The following ABCA4 variants were observed in gnomAD, a reference collection of about 807,000 sequenced individuals.
The protein encoded by ABCA4 is retinal-specific phospholipid-transporting ATPase ABCA4.
Under a neutral mutation model 263.7 loss-of-function variants are expected in ABCA4, and 196 were observed. The ratio of observed to expected loss-of-function variants is 0.74; its 90% CI spans 0.66 to 0.84. ABCA4 has a LOEUF of 0.84. Among genes scored for constraint, ABCA4 ranks in the 40% least tolerant of loss-of-function variants. The pLI is 0.00. For synonymous variants in ABCA4, 1,133 were observed against 1,094.2 expected, an observed-to-expected ratio of 1.04 and a Z score of -0.70; for missense variants, 2,792 against 2,855.1, an observed-to-expected ratio of 0.98 and a Z score of 0.50.
intron 11 of ABCA4, among the ~76,000 whole-genome samples, chr1:94,066,050 G>C (rs3789407): frequency 0.27 from 41,178 of 152,116 alleles, 6,187 homozygotes; most frequent in East Asian, 0.68. Context: ...ACCAAAAGTT[G>C]TCAATAAATG....
Position 94,045,066 on chromosome 1 carries a change from G to T in ABCA4, c.2919-322C>A, listed in dbSNP as rs539947822. 2.1e-4 allele frequency among the ~76,000 whole-genome samples: 32 copies of T among 152,366 alleles called. No homozygotes were observed. The East Asian group carries it at 3.9e-3, about 18-fold the overall frequency. On this transcript the variant is annotated intron_variant, in intron 19 of 49. Transcript: ENST00000370225. Reference sequence around the variant, plus strand: ...GTGTCCCCAGCTCAGCCATCACGGAGCCTGGTGTTGGAGAGGATCAATAAA... The same window carrying T: ...GTGTCCCCAGCTCAGCCATCACGGATCCTGGTGTTGGAGAGGATCAATAAA...
intron 15 of ABCA4, among the ~76,000 whole-genome samples, chr1:94,056,138 A>G (rs552337410): frequency 4.6e-5 from 7 of 152,308 alleles, no homozygotes; most frequent in South Asian, 2.1e-4. Flanking sequence ...TTCTGCAAAC[A>G]TTGGTAGAGC....
At chr1:94,118,872 G>A (rs1570439866) in intron 1 of ABCA4, among the ~76,000 whole-genome samples, 1 of 152,234 alleles carries the variant, frequency 6.6e-6, no homozygotes, top group African/African-American at 2.4e-5. Context: ...CTGTCACAGC[G>A]ACATGAGCGC....
intron 30 of ABCA4, among the ~76,000 whole-genome samples, chr1:94,029,108 T>C (rs958862030): frequency 8.7e-5 from 9 of 103,766 alleles, no homozygotes; most frequent in Non-Finnish European, 1.7e-4. Flanking sequence ...ATCCAAGCGA[T>C]GATTTTTTTT....
At position 94,120,985 on chromosome 1, in the gene ABCA4, G is replaced by T; in HGVS notation, c.61C>A (p.Gln21Lys). The change falls in exon 1 of 50, where the codon CAA (glutamine) becomes AAA (lysine). Residue 21 changes from glutamine (Q) to lysine (K), a missense_variant. Transcript: ENST00000370225. The stretch of plus-strand genomic sequence containing the variant: ...CCACAGACAGTAACTGTTACCTTTT[G>T]CCTTTTCCGCAGGGTCCAGTTCTTC... ...LWKNWTLRKRQKIRFVVELVW... is the reference protein window; with the variant it reads ...LWKNWTLRKRKKIRFVVELVW... 7.1e-7 allele frequency: 1 copy of T among 1,414,694 alleles called. No homozygotes were observed. The allele number at this position is 1,414,694 out of a possible 1,614,324, so 87.6% of individuals were successfully genotyped here.
chr1:94,010,575 A>G, intron 40 of ABCA4: 1 of 675,332 alleles, frequency 1.5e-6, no homozygotes, highest in Admixed American at 2.2e-5. Context: ...TGAAATTAAT[A>G]GCACTGCATT....
At chr1:94,082,593 C>G (rs963952452) in intron 7 of ABCA4, among the ~76,000 whole-genome samples, 2 of 152,184 alleles carry the variant, frequency 1.3e-5, no homozygotes, top group Non-Finnish European at 2.9e-5. Flanking sequence ...AAGACAGATT[C>G]CAACCATGCA....
At chr1:94,078,548 C>T (rs774453971) in intron 10 of ABCA4, 42 bp downstream of exon 10, 1 of 868,794 alleles carries the variant, frequency 1.2e-6, no homozygotes, top group East Asian at 3.2e-5. Flanking sequence ...GCCCCCACCG[C>T]TTCCTCCTCC....
At chr1:94,066,304 A>G (rs920310339) in intron 11 of ABCA4, among the ~76,000 whole-genome samples, 1 of 152,208 alleles carries the variant, frequency 6.6e-6, no homozygotes. Flanking sequence ...ACATTTTTAA[A>G]ATATGCATTT....
chr1:94,115,111 T>G (rs1662724239), intron 1 of ABCA4, among the ~76,000 whole-genome samples: 1 of 152,218 alleles, frequency 6.6e-6, no homozygotes, highest in Admixed American at 6.5e-5. Flanking sequence ...TCTTCCATTC[T>G]GGATCATTCC....
Position 94,010,866 on chromosome 1 carries a change from A to C in ABCA4, c.5648T>G (p.Val1883Gly). 1.2e-6 allele frequency: 2 copies of C among 1,614,146 alleles called. No individual in the cohort carries two copies. Among genetic ancestry groups the C allele is most frequent in the South Asian group, 2.2e-5 (2 of 91,092 alleles). Residue 1883 changes from valine to glycine, a missense_variant, in exon 40 of 50, where the codon GTG (valine) becomes GGG (glycine). Physicochemically the swap from Val to Gly is moderately radical, Grantham distance 109. Transcript: ENST00000370225. ...GAGGAAGTACACCACCCCTTCCACC[A>C]CCATGGCAAACAGGTTCTTCCCAAT... is the stretch of plus-strand genomic sequence containing the variant. ...DLIGKNLFAM[V>G]VEGVVYFLLT... is the part of the protein sequence containing the mutation.
intron 9 of ABCA4, 144 bp downstream of exon 9, chr1:94,079,178 G>C: frequency 5.0e-6 from 6 of 1,202,214 alleles, no homozygotes; most frequent in Non-Finnish European, 7.3e-6. Context: ...ACTGTGGATG[G>C]GGGAGGAAAC....
chr1:94,013,817 A>G (rs1181398727), intron 38 of ABCA4, among the ~76,000 whole-genome samples: 4 of 152,186 alleles, frequency 2.6e-5, no homozygotes, highest in Non-Finnish European at 5.9e-5. Context: ...TATATGTCAG[A>G]GTGTTACAAT....
At chr1:94,064,576 C>T (rs957541711) in intron 11 of ABCA4, among the ~76,000 whole-genome samples, 3 of 152,186 alleles carry the variant, frequency 2.0e-5, no homozygotes, top group African/African-American at 4.8e-5. Context: ...CACTGCGGAG[C>T]TTTAAAAGAT....
chr1:94,116,955 CCTTT>C (rs1180654935), intron 1 of ABCA4, among the ~76,000 whole-genome samples: 1 of 134,772 alleles, frequency 7.4e-6, no homozygotes, highest in Non-Finnish European at 1.6e-5. Context: ...CTCCCTCCCT[CCTTT>C]CTTTCTTTCT....
At chr1:94,001,521 T>A in intron 45 of ABCA4, 1 of 560,730 alleles carries the variant, frequency 1.8e-6, no homozygotes, top group Admixed American at 2.2e-5. Context: ...CTCAGGAGCC[T>A]TTGACCCAGC....
chr1:94,076,927 C>T (rs1661550520), intron 11 of ABCA4, among the ~76,000 whole-genome samples: 1 of 152,200 alleles, frequency 6.6e-6, no homozygotes, highest in Admixed American at 6.5e-5. Flanking sequence ...AGGCTCTGAA[C>T]TCAGGCACCC....
At chr1:94,066,724 T>C (rs1488554856) in intron 11 of ABCA4, among the ~76,000 whole-genome samples, 1 of 152,224 alleles carries the variant, frequency 6.6e-6, no homozygotes, top group East Asian at 1.9e-4. Flanking sequence ...CTATCCTTGC[T>C]CTGAGGATAA....
intron 16 of ABCA4, among the ~76,000 whole-genome samples, chr1:94,051,911 A>G (rs772436030): frequency 6.6e-6 from 1 of 152,240 alleles, no homozygotes; most frequent in African/African-American, 2.4e-5. Flanking sequence ...GGGGTGTTAT[A>G]AGCAACAGCA....
Sources: gnomAD v4.1 joint callset for allele counts (sites outside exome capture counted in the v4.1 genomes callset) on GRCh38, gnomAD v4.1.1 for gene constraint, MANE v1.5 for transcripts, NCBI Gene and HGNC (gene_info 2026-07-23, HGNC 2026-07-21) for gene names.